The following UPF2 variants were observed in gnomAD, a reference collection of about 807,000 sequenced individuals.
UPF2 encodes the protein UPF2 regulator of nonsense mediated mRNA decay, also known as regulator of nonsense transcripts 2.
In UPF2, 17 loss-of-function variants were observed where a neutral mutation model predicts 141.4. That is an observed-to-expected ratio of 0.12 (90% CI 0.08 to 0.18). The LOEUF (loss-of-function observed/expected upper bound fraction) is 0.18. Ranked by LOEUF, UPF2 falls within the 10% of genes least tolerant of loss-of-function variation. UPF2 has a pLI of 1.00. For missense variants in UPF2, 1,152 were observed against 1,515.9 expected (o/e 0.76, Z 3.99); for synonymous variants, 540 against 498.0 (o/e 1.08, Z -1.12).
At chr10:11,944,755 T>C (rs1344234157) in intron 16 of UPF2, among the ~76,000 whole-genome samples, 1 of 152,230 alleles carries the variant, frequency 6.6e-6, no homozygotes, top group Non-Finnish European at 1.5e-5. Context: ...ATTTTTCAAA[T>C]TAAGATTTTG....
At chr10:11,970,683 G>A (rs952391059) in intron 9 of UPF2, among the ~76,000 whole-genome samples, 4 of 152,076 alleles carry the variant, frequency 2.6e-5, no homozygotes, top group Non-Finnish European at 5.9e-5. Flanking sequence ...ATGGTGGCAC[G>A]TGCCTGTAAT....
chr10:11,961,751 G>T (rs982936494), intron 11 of UPF2, among the ~76,000 whole-genome samples: 2 of 152,158 alleles, frequency 1.3e-5, no homozygotes, highest in Non-Finnish European at 2.9e-5. Context: ...CGTATTTAAC[G>T]CATGAATAAA....
At chr10:11,929,795 G>A in intron 21 of UPF2, 70 bp downstream of exon 21, 1 of 1,549,678 alleles carries the variant, frequency 6.5e-7, no homozygotes, top group Non-Finnish European at 8.7e-7. Context: ...CTATAATCCA[G>A]AATTCCCTAA....
intron 2 of UPF2, among the ~76,000 whole-genome samples, chr10:12,033,811 A>T (rs1834571355): frequency 6.6e-6 from 1 of 152,106 alleles, no homozygotes; most frequent in Non-Finnish European, 1.5e-5. Context: ...AGCCTCCCAA[A>T]GGGCTGGGTT....
chr10:11,982,035 T>C (rs1190677373), intron 8 of UPF2, among the ~76,000 whole-genome samples: 2 of 61,030 alleles, frequency 3.3e-5, no homozygotes, highest in South Asian at 6.5e-4. Flanking sequence ...GTTCCTACTA[T>C]TAAAAAAAAA....
chr10:12,023,673 G>A (rs1834357686), intron 3 of UPF2, among the ~76,000 whole-genome samples: 1 of 150,996 alleles, frequency 6.6e-6, no homozygotes, highest in Non-Finnish European at 1.5e-5. Context: ...CTGGGGGACA[G>A]AGCGAGACTC....
chr10:12,007,729 A>C (rs1834057733), intron 4 of UPF2, among the ~76,000 whole-genome samples: 1 of 151,510 alleles, frequency 6.6e-6, no homozygotes, highest in Non-Finnish European at 1.5e-5. Flanking sequence ...TACTCAGGAG[A>C]CTGAGGCAGG....
chr10:12,036,986 T>C (rs188223629), intron 1 of UPF2, among the ~76,000 whole-genome samples: 1 of 152,092 alleles, frequency 6.6e-6, no homozygotes, highest in African/African-American at 2.4e-5. Flanking sequence ...GATCACGCCA[T>C]TGGACTCCAG....
intron 8 of UPF2, among the ~76,000 whole-genome samples, chr10:11,984,862 G>A (rs1026245990): frequency 6.6e-6 from 1 of 152,132 alleles, no homozygotes; most frequent in African/African-American, 2.4e-5. Context: ...ACAGGTGCCT[G>A]CCACCATGCC....
intron 20 of UPF2, among the ~76,000 whole-genome samples, chr10:11,930,936 A>G (rs1275599682): frequency 3.3e-5 from 5 of 152,202 alleles, no homozygotes; most frequent in Non-Finnish European, 5.9e-5. Flanking sequence ...ACGGCTGTAA[A>G]ATCTGCATAC....
intron 8 of UPF2, among the ~76,000 whole-genome samples, chr10:11,985,766 T>A (rs1459024748): frequency 6.6e-6 from 1 of 151,952 alleles, no homozygotes; most frequent in African/African-American, 2.4e-5. Context: ...ATTAAAGTTA[T>A]TAATAACACA....
rs140654002 is a variant in UPF2, at chr10:11,977,471, C to T, written c.1953+1586G>A. Among the ~76,000 whole-genome samples, 237 of 152,264 alleles carry T rather than the reference C, an allele frequency of 1.6e-3. 1 individual carries two copies. The highest frequency in any genetic ancestry group is 5.3e-3 in the African/African-American group (219 of 41,554). ...TACAATAAAAATGCTAATTCCCCAA[C>T]TCTCACCCCCATTTTCAAATGAGAG... On this transcript the variant is annotated intron_variant, in intron 9 of 21. Transcript: ENST00000357604.
chr10:11,926,951 C>T (rs1832720448), intron 21 of UPF2, among the ~76,000 whole-genome samples: 1 of 152,158 alleles, frequency 6.6e-6, no homozygotes. Flanking sequence ...GATGACAGCA[C>T]ACACATGCTC....
At chr10:11,924,590 C>T (rs11591649) in intron 21 of UPF2, among the ~76,000 whole-genome samples, 8,836 of 145,788 alleles carry the variant, frequency 0.061, 327 homozygotes, top group Non-Finnish European at 0.087. Context: ...AAAAAAAAAT[C>T]TTTTTTTTAA....
At chr10:12,025,220 A>T (rs1588576654) in intron 3 of UPF2, among the ~76,000 whole-genome samples, 1 of 152,084 alleles carries the variant, frequency 6.6e-6, no homozygotes, top group East Asian at 1.9e-4. Flanking sequence ...ACATCCTCAA[A>T]TCATTACATC....
intron 18 of UPF2, 74 bp downstream of exon 18, chr10:11,942,591 C>CTAAGTGA (rs1383444758): frequency 7.1e-6 from 10 of 1,403,124 alleles, no homozygotes; most frequent in Non-Finnish European, 1.0e-5. Context: ...GAGAGGCCTT[C>CTAAGTGA]ACATGAACCA....
intron 1 of UPF2, chr10:12,035,771 T>C (rs1197889419): frequency 5.7e-6 from 1 of 176,800 alleles, no homozygotes; most frequent in African/African-American, 2.4e-5. Context: ...AAACAATATG[T>C]CATTTAATTG....
At chr10:12,018,985 T>C (rs2131292744) in intron 3 of UPF2, among the ~76,000 whole-genome samples, 1 of 152,306 alleles carries the variant, frequency 6.6e-6, no homozygotes, top group Non-Finnish European at 1.5e-5. Context: ...TATCAAAAAA[T>C]ATGACCAAAA....
intron 9 of UPF2, among the ~76,000 whole-genome samples, chr10:11,975,628 C>T (rs1289156052): frequency 1.3e-5 from 2 of 152,024 alleles, no homozygotes; most frequent in African/African-American, 4.8e-5. Context: ...CCTGCCTCAG[C>T]CTCCTGAGTA....
Sources: gnomAD v4.1 joint callset for allele counts (sites outside exome capture counted in the v4.1 genomes callset) on GRCh38, gnomAD v4.1.1 for gene constraint, MANE v1.5 for transcripts, NCBI Gene and HGNC (gene_info 2026-07-23, HGNC 2026-07-21) for gene names.